Variants in GPC6 observed in about 807,000 individuals in gnomAD.
GPC6 encodes the protein glypican 6.
Under a neutral mutation model 55.2 loss-of-function variants are expected in GPC6, and 14 were observed. The ratio of observed to expected loss-of-function variants is 0.25; its 90% CI spans 0.17 to 0.40. The LOEUF (loss-of-function observed/expected upper bound fraction) is 0.40, where lower values mean the gene tolerates loss of function less well. GPC6 is among the 10% of genes least tolerant of loss of function. GPC6 has a pLI of 1.00. For missense variants in GPC6, 641 were observed against 708.5 expected, an observed-to-expected ratio of 0.90 and a Z score of 1.08; for synonymous variants, 278 against 259.6, an observed-to-expected ratio of 1.07 and a Z score of -0.68.
chr13:93,922,077 CAAGAAA>C (rs902837119), intron 3 of GPC6, among the ~76,000 whole-genome samples: 5 of 151,360 alleles, frequency 3.3e-5, no homozygotes, highest in African/African-American at 7.3e-5. Context: ...TCAGAGGGAT[CAAGAAA>C]AAGAAAAAGA....
chr13:93,301,563 G>C (rs1251072645), intron 1 of GPC6, among the ~76,000 whole-genome samples: 2 of 152,140 alleles, frequency 1.3e-5, no homozygotes, highest in Non-Finnish European at 2.9e-5. Context: ...GAAGGACAAG[G>C]AGAAGTACAG....
intron 1 of GPC6, among the ~76,000 whole-genome samples, chr13:93,330,874 C>T (rs572595775): frequency 6.6e-6 from 1 of 152,292 alleles, no homozygotes; most frequent in South Asian, 2.1e-4. Flanking sequence ...TAAAATTTTG[C>T]ATCCTAACAT....
intron 3 of GPC6, among the ~76,000 whole-genome samples, chr13:93,899,280 G>A (rs1316395670): frequency 6.6e-6 from 1 of 151,992 alleles, no homozygotes; most frequent in Non-Finnish European, 1.5e-5. Flanking sequence ...AATAAGATAT[G>A]TTTGACAAGG....
chr13:94,197,571 G>A (rs943275387), intron 4 of GPC6, among the ~76,000 whole-genome samples: 3 of 152,130 alleles, frequency 2.0e-5, no homozygotes, highest in African/African-American at 7.2e-5. Context: ...TCTTATAACA[G>A]TGCCAGCTCT....
chr13:94,183,358 C>A (rs1370917461), intron 4 of GPC6, among the ~76,000 whole-genome samples: 2 of 152,154 alleles, frequency 1.3e-5, no homozygotes, highest in Non-Finnish European at 2.9e-5. Context: ...TTCTCAAGGT[C>A]TATCCATGTC....
At chr13:93,682,525 G>A (rs905805477) in intron 2 of GPC6, among the ~76,000 whole-genome samples, 1 of 152,126 alleles carries the variant, frequency 6.6e-6, no homozygotes, top group Non-Finnish European at 1.5e-5. Flanking sequence ...AAGGGTGTAA[G>A]CGGCATTCCA....
At chr13:93,744,211 G>A (rs557554963) in intron 2 of GPC6, among the ~76,000 whole-genome samples, 1 of 152,122 alleles carries the variant, frequency 6.6e-6, no homozygotes, top group Admixed American at 6.6e-5. Context: ...GTCTCTACCC[G>A]CTTGACTTCC....
intron 2 of GPC6, among the ~76,000 whole-genome samples, chr13:93,692,299 CA>C (rs1882287583): frequency 1.3e-5 from 2 of 152,056 alleles, no homozygotes; most frequent in Admixed American, 6.6e-5. Flanking sequence ...CATGTTCAGT[CA>C]AATGCATTTT....
intron 1 of GPC6, among the ~76,000 whole-genome samples, chr13:93,368,300 T>TCTCCTTCC (rs1204599641): frequency 2.8e-5 from 2 of 72,314 alleles, no homozygotes; most frequent in Non-Finnish European, 5.2e-5. Flanking sequence ...TCCCTCCCTC[T>TCTCCTTCC]CTCCTTCCCT....
intron 1 of GPC6, among the ~76,000 whole-genome samples, chr13:93,494,686 A>C (rs1240891584): frequency 2.0e-5 from 3 of 151,814 alleles, no homozygotes; most frequent in Non-Finnish European, 4.4e-5. Context: ...CATGTTTAGC[A>C]CTTCCTTCAG....
intron 1 of GPC6, among the ~76,000 whole-genome samples, chr13:93,391,899 G>C (rs1875648074): frequency 6.6e-6 from 1 of 152,068 alleles, no homozygotes; most frequent in South Asian, 2.1e-4. Context: ...CAGTTAAAAA[G>C]GATGGGGGGT....
At chr13:94,388,554 A>G (rs1303029314) in intron 7 of GPC6, among the ~76,000 whole-genome samples, 1 of 152,234 alleles carries the variant, frequency 6.6e-6, no homozygotes, top group Non-Finnish European at 1.5e-5. Flanking sequence ...AAGGATGAAT[A>G]CTTTGTATCT....
chr13:94,136,759 A>G (rs1012208650), intron 4 of GPC6, among the ~76,000 whole-genome samples: 5 of 152,198 alleles, frequency 3.3e-5, no homozygotes, highest in African/African-American at 1.2e-4. Flanking sequence ...AATGCAGTGT[A>G]GAGTGATTGA....
intron 4 of GPC6, among the ~76,000 whole-genome samples, chr13:94,242,465 T>A: frequency 6.6e-6 from 1 of 152,024 alleles, no homozygotes; most frequent in Non-Finnish European, 1.5e-5. Context: ...TGTGGCACTA[T>A]TCACAATAGC....
In GPC6 at chr13:94,278,865, G is replaced by A. The variant is rs560122837; in HGVS notation, c.878-7484G>A. The stretch of plus-strand genomic sequence containing the variant: ...GTATTTTATTGAGGATTTTCACATC[G>A]ATGTTCATCAGGGATATTGGCCTGA... On this transcript the variant is annotated intron_variant, in intron 4 of 8. Transcript: ENST00000377047. 3.9e-5 allele frequency among the ~76,000 whole-genome samples: 6 copies of A among 152,194 alleles called. No homozygotes were observed. In the East Asian group the frequency reaches 5.8e-4, roughly 15 times the overall value.
rs1017092681 is a variant in GPC6 at position 93,574,499 on chromosome 13, C to T, written c.319+29078C>T. On this transcript the variant is annotated intron_variant, in intron 2 of 8. Coordinates refer to ENST00000377047, the MANE Select transcript of GPC6 (RefSeq NM_005708.5). ...TTTCTTGATTTTGGACCCCTAGCCT[C>T]CTGAACTGTGAGGCAATAAATTTCT... is the stretch of plus-strand genomic sequence containing the variant. 7.9e-5 allele frequency among the ~76,000 whole-genome samples: 12 copies of T among 152,222 alleles called. No individual in the cohort carries two copies. The East Asian group carries it at 2.3e-3, about 29-fold the overall frequency.
intron 2 of GPC6, among the ~76,000 whole-genome samples, chr13:93,791,174 G>C (rs929848160): frequency 2.6e-5 from 4 of 152,030 alleles, no homozygotes; most frequent in Admixed American, 2.6e-4. Flanking sequence ...CAGTGTCATT[G>C]GTACTTCTGA....
At chr13:94,052,632 C>A (rs76632343) in intron 4 of GPC6, among the ~76,000 whole-genome samples, 1 of 152,096 alleles carries the variant, frequency 6.6e-6, no homozygotes, top group African/African-American at 2.4e-5. Context: ...TGCCTTACAT[C>A]GTTTAACAAT....
At chr13:93,311,007 G>A (rs1457828448) in intron 1 of GPC6, among the ~76,000 whole-genome samples, 1 of 152,162 alleles carries the variant, frequency 6.6e-6, no homozygotes, top group African/African-American at 2.4e-5. Context: ...CGTTATCTAA[G>A]AATATCCTTT....
Sources: gnomAD v4.1 joint callset for allele counts (sites outside exome capture counted in the v4.1 genomes callset) on GRCh38, gnomAD v4.1.1 for gene constraint, MANE v1.5 for transcripts, NCBI Gene and HGNC (gene_info 2026-07-23, HGNC 2026-07-21) for gene names.